CCDC91: variants seen among roughly 807,000 people sequenced by gnomAD.
CCDC91 encodes the protein coiled-coil domain-containing protein 91.
A neutral mutation model predicts 63.2 loss-of-function variants in CCDC91; 48 were observed. The observed-to-expected ratio is 0.76, with a 90% confidence interval of 0.60 to 0.97. The LOEUF (loss-of-function observed/expected upper bound fraction) is 0.97. Ranked by LOEUF, CCDC91 falls within the 50% of genes least tolerant of loss-of-function variation. CCDC91 has a pLI of 0.00. For missense variants in CCDC91, 500 were observed against 494.6 expected, an observed-to-expected ratio of 1.01 and a Z score of -0.10; for synonymous variants, 167 against 165.8, an observed-to-expected ratio of 1.01 and a Z score of -0.06.
intron 1 of CCDC91, among the ~76,000 whole-genome samples, chr12:28,192,897 G>T (rs1316376118): frequency 6.8e-6 from 1 of 146,888 alleles, no homozygotes; most frequent in Non-Finnish European, 1.5e-5. Flanking sequence ...TCATTCTAAA[G>T]TTTCCTCCCC....
chr12:28,394,711 GCTCT>G (rs151131648), intron 8 of CCDC91, among the ~76,000 whole-genome samples: 2,388 of 137,030 alleles, frequency 0.017, 31 homozygotes, highest in Non-Finnish European at 0.025. Flanking sequence ...TCTGTTTCTT[GCTCT>G]CTCTCTCTCT....
At chr12:28,545,474 C>G (rs1232686761) in intron 12 of CCDC91, among the ~76,000 whole-genome samples, 1 of 151,962 alleles carries the variant, frequency 6.6e-6, no homozygotes, top group Non-Finnish European at 1.5e-5. Flanking sequence ...TGTACTATGC[C>G]CAAGAAGGAC....
intron 3 of CCDC91, among the ~76,000 whole-genome samples, chr12:28,267,282 A>G (rs1221030132): frequency 6.6e-6 from 1 of 151,728 alleles, no homozygotes; most frequent in Non-Finnish European, 1.5e-5. Flanking sequence ...ATACATAGTA[A>G]TACTCCTTGC....
At chr12:28,345,278 A>G (rs1942727169) in intron 6 of CCDC91, among the ~76,000 whole-genome samples, 1 of 152,102 alleles carries the variant, frequency 6.6e-6, no homozygotes, top group Non-Finnish European at 1.5e-5. Flanking sequence ...ACATACATAT[A>G]TATTCATGTT....
At chr12:28,546,408 A>G (rs1336160032) in intron 12 of CCDC91, among the ~76,000 whole-genome samples, 1 of 152,134 alleles carries the variant, frequency 6.6e-6, no homozygotes, top group Non-Finnish European at 1.5e-5. Context: ...ATAAAGCTGT[A>G]GTAATTAAAA....
At chr12:28,494,236 A>G (rs1191265250) in intron 12 of CCDC91, among the ~76,000 whole-genome samples, 2 of 151,684 alleles carry the variant, frequency 1.3e-5, no homozygotes, top group South Asian at 2.1e-4. Flanking sequence ...AATTAGGGCC[A>G]GGTAGATGTG....
At chr12:28,284,879 AT>A (rs1235013220) in intron 3 of CCDC91, among the ~76,000 whole-genome samples, 1 of 152,208 alleles carries the variant, frequency 6.6e-6, no homozygotes, top group African/African-American at 2.4e-5. Context: ...AATAGCGTAT[AT>A]TAACTGTCTC....
intron 12 of CCDC91, among the ~76,000 whole-genome samples, chr12:28,538,992 A>T (rs1428349880): frequency 3.2e-4 from 49 of 152,076 alleles, no homozygotes; most frequent in Admixed American, 2.0e-3. Flanking sequence ...AGTTCTTTGT[A>T]GATGCTGGAT....
chr12:28,466,794 G>GT (rs1340148169), intron 11 of CCDC91, among the ~76,000 whole-genome samples: 1 of 152,058 alleles, frequency 6.6e-6, no homozygotes, highest in African/African-American at 2.4e-5. Context: ...TCTGGTAATA[G>GT]TAAGTACACA....
chr12:28,398,011 A>G (rs1307280179), intron 8 of CCDC91, among the ~76,000 whole-genome samples: 2 of 152,124 alleles, frequency 1.3e-5, no homozygotes, highest in Non-Finnish European at 2.9e-5. Context: ...GAGCTAGGTT[A>G]TATATTTATT....
intron 12 of CCDC91, among the ~76,000 whole-genome samples, chr12:28,509,769 G>A (rs904168158): frequency 4.0e-5 from 6 of 151,776 alleles, no homozygotes; most frequent in African/African-American, 1.5e-4. Context: ...AAGAGAGTGG[G>A]GAGAAGAAGG....
At chr12:28,538,506 T>G (rs1025260528) in intron 12 of CCDC91, among the ~76,000 whole-genome samples, 2 of 151,974 alleles carry the variant, frequency 1.3e-5, no homozygotes, top group African/African-American at 4.8e-5. Flanking sequence ...CAGTCTATCA[T>G]TGTTGGACAT....
At chr12:28,417,048 T>G (rs761292564) in intron 8 of CCDC91, among the ~76,000 whole-genome samples, 1 of 152,142 alleles carries the variant, frequency 6.6e-6, no homozygotes, top group African/African-American at 2.4e-5. Flanking sequence ...TTTCTAGCAT[T>G]TGCTGTGTCT....
intron 7 of CCDC91, among the ~76,000 whole-genome samples, chr12:28,363,836 C>T (rs1214601504): frequency 7.3e-6 from 1 of 136,920 alleles, no homozygotes; most frequent in Non-Finnish European, 1.5e-5. Flanking sequence ...GAGATTGCGC[C>T]ACTGCACTCT....
chr12:28,490,288 G>T (rs1237140678), intron 12 of CCDC91, among the ~76,000 whole-genome samples: 1 of 151,658 alleles, frequency 6.6e-6, no homozygotes, highest in African/African-American at 2.4e-5. Flanking sequence ...TTTGATTTGG[G>T]TCTCATATTT....
In CCDC91 at chr12:28,549,956, T is replaced by C. The variant is rs1393575670; in HGVS notation, c.*783T>C. The C allele has an allele frequency of 6.6e-6, 1 of 152,508 alleles. No homozygotes were observed. Among genetic ancestry groups the C allele is most frequent in the Non-Finnish European group, 1.5e-5 (1 of 68,002 alleles). The allele number at this position is 152,508 out of a possible 1,614,324, so 9.4% of individuals were successfully genotyped here. ...GGAATTTAGGTTCAAGTACAGGATATATGAAATCTTTTCCCAGTATTTCAG... is the reference window on the plus strand; with the variant it reads ...GGAATTTAGGTTCAAGTACAGGATACATGAAATCTTTTCCCAGTATTTCAG... On this transcript the variant is annotated 3_prime_UTR_variant, in exon 13 of 13. Coordinates refer to ENST00000536442, the MANE Select transcript of CCDC91 (RefSeq NM_018318.5).
In CCDC91 at chr12:28,505,091, T is replaced by G. The variant is rs147620418; in HGVS notation, c.1215+20926T>G. 3.1e-3 allele frequency among the ~76,000 whole-genome samples: 471 copies of G among 152,138 alleles called. 7 individuals are homozygous for G. The highest frequency in any genetic ancestry group is 0.011 in the African/African-American group (445 of 41,574). On this transcript the variant is annotated intron_variant, in intron 12 of 12. Transcript: ENST00000536442. ...TTAATAAATAGTTTGCCAAAATATT[T>G]GGCAGAATTATTCAGCAAGGACCAG...
chr12:28,218,699 TTG>T (rs60247849), intron 1 of CCDC91, among the ~76,000 whole-genome samples: 8,004 of 146,388 alleles, frequency 0.055, 377 homozygotes, highest in African/African-American at 0.13. Flanking sequence ...TTGCAGATGT[TTG>T]TGTGTGTGTG....
intron 1 of CCDC91, among the ~76,000 whole-genome samples, chr12:28,205,970 T>C (rs1237142804): frequency 1.3e-5 from 2 of 152,198 alleles, no homozygotes; most frequent in Admixed American, 1.3e-4. Flanking sequence ...TGTACTTATT[T>C]GGTCTTGAAA....
Sources: gnomAD v4.1 joint callset for allele counts (sites outside exome capture counted in the v4.1 genomes callset) on GRCh38, gnomAD v4.1.1 for gene constraint, MANE v1.5 for transcripts, NCBI Gene and HGNC (gene_info 2026-07-23, HGNC 2026-07-21) for gene names.